The following SLC4A4 variants were observed in gnomAD, a reference collection of about 807,000 sequenced individuals.
The protein encoded by SLC4A4 is solute carrier family 4 member 4.
SLC4A4 carries 27 observed loss-of-function variants against 111.5 expected under a neutral mutation model. The ratio of observed to expected loss-of-function variants is 0.24; its 90% CI spans 0.18 to 0.33. SLC4A4 has a LOEUF of 0.33. Among genes scored for constraint, SLC4A4 ranks in the 10% least tolerant of loss-of-function variants. SLC4A4 has a pLI of 1.00. For synonymous variants in SLC4A4, 443 were observed against 463.4 expected (o/e 0.96, Z 0.57); for missense variants, 909 against 1,315.5 (o/e 0.69, Z 4.78).
At chr4:71,447,454 T>C (rs1308714219) in intron 8 of SLC4A4, among the ~76,000 whole-genome samples, 192 bp from the exon 9 acceptor site, 1 of 152,232 alleles carries the variant, frequency 6.6e-6, no homozygotes, top group Non-Finnish European at 1.5e-5. Context: ...CCAAATAAAC[T>C]GAACAATGAA....
At chr4:71,551,813 G>T (rs1736017429) in intron 20 of SLC4A4, among the ~76,000 whole-genome samples, 1 of 151,860 alleles carries the variant, frequency 6.6e-6, no homozygotes. Flanking sequence ...CCTCATTCCA[G>T]TTTCTTCAAT....
At chr4:71,249,053 G>A (rs1032652175) in intron 2 of SLC4A4, among the ~76,000 whole-genome samples, 10 of 152,064 alleles carry the variant, frequency 6.6e-5, no homozygotes, top group African/African-American at 2.2e-4. Context: ...GCTGTGCTCA[G>A]TGAACATCAA....
At chr4:71,389,176 GC>G (rs1194814681) in intron 6 of SLC4A4, among the ~76,000 whole-genome samples, 1 of 152,138 alleles carries the variant, frequency 6.6e-6, no homozygotes, top group Non-Finnish European at 1.5e-5. Context: ...TATTTATGAA[GC>G]CTAATTGATG....
chr4:71,109,309 T>C (rs1051367411), intron 2 of SLC4A4, among the ~76,000 whole-genome samples: 3 of 152,044 alleles, frequency 2.0e-5, no homozygotes, highest in Non-Finnish European at 2.9e-5. Context: ...GTCTTTAAAG[T>C]CTGGCTCCCA....
intron 2 of SLC4A4, among the ~76,000 whole-genome samples, chr4:71,241,193 T>C (rs1257510294): frequency 2.0e-5 from 3 of 152,164 alleles, no homozygotes; most frequent in Non-Finnish European, 4.4e-5. Flanking sequence ...TGAAATGATA[T>C]AGCCTCTCAT....
intron 3 of SLC4A4, among the ~76,000 whole-genome samples, chr4:71,336,031 C>A (rs1285768345): frequency 2.0e-5 from 3 of 152,138 alleles, no homozygotes; most frequent in African/African-American, 7.2e-5. Flanking sequence ...CATGTAAACT[C>A]TGTAAGATCA....
chr4:71,500,371 T>C (rs757277490), intron 16 of SLC4A4, among the ~76,000 whole-genome samples: 2 of 152,256 alleles, frequency 1.3e-5, no homozygotes, highest in African/African-American at 4.8e-5. Flanking sequence ...GGTTATTTGA[T>C]ATTAACAATA....
intron 3 of SLC4A4, among the ~76,000 whole-genome samples, chr4:71,282,376 C>T (rs1723591569): frequency 6.6e-6 from 1 of 151,734 alleles, no homozygotes; most frequent in Non-Finnish European, 1.5e-5. Flanking sequence ...ACCTCTGCCT[C>T]CTGGGTTCAA....
At chr4:71,455,341 C>A (rs1300536844) in intron 12 of SLC4A4, among the ~76,000 whole-genome samples, 1 of 152,140 alleles carries the variant, frequency 6.6e-6, no homozygotes, top group African/African-American at 2.4e-5. Context: ...TGTTTTTCTC[C>A]TTTTCCCTCA....
intron 1 of SLC4A4, among the ~76,000 whole-genome samples, chr4:71,072,316 A>G (rs1741688943): frequency 1.3e-5 from 2 of 152,328 alleles, no homozygotes; most frequent in South Asian, 4.1e-4. Context: ...CCCAAACCAT[A>G]TACTAACTAA....
intron 7 of SLC4A4, among the ~76,000 whole-genome samples, chr4:71,416,603 T>C (rs909297729): frequency 3.3e-5 from 5 of 152,156 alleles, no homozygotes; most frequent in Admixed American, 6.5e-5. Flanking sequence ...AACTTACTTA[T>C]AGAAATGTGG....
At chr4:71,369,215 G>T (rs1405390612) in intron 6 of SLC4A4, among the ~76,000 whole-genome samples, 1 of 152,234 alleles carries the variant, frequency 6.6e-6, no homozygotes, top group Non-Finnish European at 1.5e-5. Context: ...CGGGCTCATG[G>T]TTACTGAGTG....
chr4:71,192,958 G>A (rs1361742200), intron 1 of SLC4A4, among the ~76,000 whole-genome samples: 1 of 152,160 alleles, frequency 6.6e-6, no homozygotes, highest in Non-Finnish European at 1.5e-5. Flanking sequence ...GTGTATTCTT[G>A]TGTGTGACTT....
At chr4:71,170,932 C>T (rs774504337) in intron 2 of SLC4A4, among the ~76,000 whole-genome samples, 5 of 152,100 alleles carry the variant, frequency 3.3e-5, no homozygotes, top group Non-Finnish European at 5.9e-5. Flanking sequence ...TGGTAAAATA[C>T]ATGGCATGAG....
At chr4:71,271,070 T>C (rs1231772808) in intron 3 of SLC4A4, among the ~76,000 whole-genome samples, 2 of 152,194 alleles carry the variant, frequency 1.3e-5, no homozygotes, top group Admixed American at 6.5e-5. Flanking sequence ...CTTTCACGTT[T>C]GCCTGCAGGG....
At chr4:71,092,366 T>C (rs1433140549) in intron 1 of SLC4A4, among the ~76,000 whole-genome samples, 2 of 152,242 alleles carry the variant, frequency 1.3e-5, no homozygotes, top group Admixed American at 1.3e-4. Context: ...ACAAACTTTT[T>C]CATGTTGACA....
chr4:71,487,668 C>A (rs1430925752), intron 15 of SLC4A4, among the ~76,000 whole-genome samples: 1 of 151,580 alleles, frequency 6.6e-6, no homozygotes, highest in African/African-American at 2.4e-5. Flanking sequence ...TGGAATCTTA[C>A]CAAAGAATAT....
intron 9 of SLC4A4, among the ~76,000 whole-genome samples, chr4:71,448,117 C>T (rs918284124): frequency 2.6e-5 from 4 of 151,846 alleles, no homozygotes; most frequent in African/African-American, 7.3e-5. Flanking sequence ...GTCAGGAGTT[C>T]GAGACCAGCC....
intron 6 of SLC4A4, among the ~76,000 whole-genome samples, chr4:71,360,987 C>T (rs1385694249): frequency 6.6e-6 from 1 of 152,096 alleles, no homozygotes; most frequent in Non-Finnish European, 1.5e-5. Context: ...TACAGGCTTC[C>T]TGCCTTGCAG....
Sources: gnomAD v4.1 joint callset for allele counts (sites outside exome capture counted in the v4.1 genomes callset) on GRCh38, gnomAD v4.1.1 for gene constraint, MANE v1.5 for transcripts, NCBI Gene and HGNC (gene_info 2026-07-23, HGNC 2026-07-21) for gene names.